The following TMEM132C variants were observed in gnomAD, a reference collection of about 807,000 sequenced individuals.
TMEM132C encodes protein phosphatase 1, regulatory subunit 152.
A neutral mutation model predicts 61.4 loss-of-function variants in TMEM132C; 29 were observed. That is an observed-to-expected ratio of 0.47 (90% CI 0.35 to 0.64). The LOEUF (loss-of-function observed/expected upper bound fraction) is 0.64, where lower values mean the gene tolerates loss of function less well. Ranked by LOEUF, TMEM132C falls within the 30% of genes least tolerant of loss-of-function variation. The pLI, the probability that TMEM132C is intolerant of heterozygous loss-of-function variation, is 0.00. For missense variants in TMEM132C, 1,408 were observed against 1,476.9 expected, an observed-to-expected ratio of 0.95 and a Z score of 0.76; for synonymous variants, 656 against 633.1, an observed-to-expected ratio of 1.04 and a Z score of -0.54.
intron 2 of TMEM132C, among the ~76,000 whole-genome samples, chr12:128,540,505 G>A (rs996267997): frequency 3.3e-5 from 5 of 152,132 alleles, no homozygotes; most frequent in Admixed American, 1.3e-4. Flanking sequence ...GCCTACCTCG[G>A]CCTCCCAAAG....
At chr12:128,585,277 C>T (rs1476264006) in intron 3 of TMEM132C, among the ~76,000 whole-genome samples, 1 of 152,178 alleles carries the variant, frequency 6.6e-6, no homozygotes. Flanking sequence ...ATGTTAAATG[C>T]CCAAAGGCTA....
intron 1 of TMEM132C, among the ~76,000 whole-genome samples, chr12:128,292,572 T>C (rs1341014551): frequency 1.3e-5 from 2 of 152,122 alleles, no homozygotes; most frequent in African/African-American, 4.8e-5. Flanking sequence ...GTGTACTTAG[T>C]ACCTAGGTAC....
intron 1 of TMEM132C, among the ~76,000 whole-genome samples, chr12:128,312,116 T>C (rs1411953655): frequency 6.6e-6 from 1 of 152,168 alleles, no homozygotes; most frequent in Non-Finnish European, 1.5e-5. Context: ...CCTCCCTCTC[T>C]CAGTTCTGCT....
chr12:128,458,608 G>T (rs894417507), intron 2 of TMEM132C, among the ~76,000 whole-genome samples: 1 of 152,048 alleles, frequency 6.6e-6, no homozygotes, highest in Non-Finnish European at 1.5e-5. Flanking sequence ...GACAGGAAGG[G>T]CTCATCCCTT....
chr12:128,389,759 T>C (rs535407187), intron 1 of TMEM132C, among the ~76,000 whole-genome samples: 2 of 152,328 alleles, frequency 1.3e-5, no homozygotes, highest in South Asian at 2.1e-4. Flanking sequence ...GTAGGGGGCA[T>C]TGGATGAATC....
intron 1 of TMEM132C, among the ~76,000 whole-genome samples, chr12:128,293,147 C>T (rs1871301277): frequency 6.6e-6 from 1 of 152,078 alleles, no homozygotes; most frequent in African/African-American, 2.4e-5. Context: ...GACAGAGGAT[C>T]CTCTTTAAAA....
intron 1 of TMEM132C, among the ~76,000 whole-genome samples, chr12:128,390,586 G>A (rs1713604): frequency 0.098 from 14,859 of 152,128 alleles, 2,358 homozygotes; most frequent in African/African-American, 0.33. Context: ...ACCTGTAGCC[G>A]CACCTCCGCC....
At chr12:128,358,493 T>TTGTGTG (rs58748919) in intron 1 of TMEM132C, among the ~76,000 whole-genome samples, 6,790 of 144,716 alleles carry the variant, frequency 0.047, 230 homozygotes, top group African/African-American at 0.089. Context: ...ACTTTTAAAA[T>TTGTGTG]TGTGTGTGTG....
intron 1 of TMEM132C, among the ~76,000 whole-genome samples, chr12:128,340,372 A>G (rs991529629): frequency 7.9e-5 from 12 of 152,116 alleles, no homozygotes; most frequent in African/African-American, 2.7e-4. Flanking sequence ...TTAAAGACCT[A>G]TTGTCTTATT....
rs762972210 is a variant in TMEM132C, at chr12:128,705,668, C to A, written c.2700C>A (p.Asp900Glu). Residue 900 changes from aspartate to glutamate, a missense_variant, in exon 9 of 9, where the codon GAC (aspartate) becomes GAA (glutamate). Asp to Glu is a conservative substitution (Grantham distance 45). Coordinates refer to ENST00000435159, the MANE Select transcript of TMEM132C (RefSeq NM_001136103.3). ...TCACCAACTTCCCTGCCCACGTGGA[C>A]CTCCCCAAGGCCGGGAGTGGGCTGG... ...IDFTNFPAHV[D>E]LPKAGSGLEE... 31 of 1,551,186 alleles carry A rather than the reference C, an allele frequency of 2.0e-5. 2 individuals are homozygous for A. In the South Asian group the frequency reaches 3.6e-4, roughly 18 times the overall value.
At position 128,497,202 on chromosome 12, in the gene TMEM132C, C is replaced by T. The variant is rs533043350; in HGVS notation, c.975-46755C>T. Among the ~76,000 whole-genome samples the T allele has an allele frequency of 7.8e-4, 119 of 152,342 alleles. 1 individual carries two copies. Among genetic ancestry groups the T allele is most frequent in the African/African-American group, 2.8e-3 (115 of 41,570 alleles). ...GATCGTTCCTCTGGAAGCTTCGTCT[C>T]AGAGGGGTACCCAGCCCTGTGAGAT... On this transcript the variant is annotated intron_variant, in intron 2 of 8. Coordinates refer to ENST00000435159, the MANE Select transcript of TMEM132C (RefSeq NM_001136103.3).
chr12:128,410,592 G>A (rs1187498227), intron 1 of TMEM132C, among the ~76,000 whole-genome samples: 1 of 151,996 alleles, frequency 6.6e-6, no homozygotes, highest in Non-Finnish European at 1.5e-5. Flanking sequence ...TTTTAGTAGA[G>A]ACGGGGTTTC....
chr12:128,650,087 C>G (rs963081234), intron 4 of TMEM132C, among the ~76,000 whole-genome samples: 9 of 152,264 alleles, frequency 5.9e-5, no homozygotes, highest in Non-Finnish European at 1.3e-4. Context: ...GTTGCATCTC[C>G]CCAGGATTGA....
intron 5 of TMEM132C, among the ~76,000 whole-genome samples, chr12:128,691,483 G>C (rs1337146485): frequency 6.6e-6 from 1 of 152,062 alleles, no homozygotes; most frequent in Non-Finnish European, 1.5e-5. Flanking sequence ...CTATCCATCT[G>C]TCCAGCTATC....
At position 128,491,069 on chromosome 12, in the gene TMEM132C, T is replaced by C. The variant is rs186488454; in HGVS notation, c.975-52888T>C. Among the ~76,000 whole-genome samples the C allele has an allele frequency of 3.6e-3, 552 of 152,300 alleles. 6 individuals carry two copies. The highest frequency in any genetic ancestry group is 0.02 in the Middle Eastern group (6 of 294). ...TGGAGTTGAGATTTCAGCCCAGCAT[T>C]GTCTGGCTCCAAAGACCAAATCCTT... On this transcript the variant is annotated intron_variant, in intron 2 of 8. Transcript: ENST00000435159.
chr12:128,701,922 C>CA (rs1566019470), intron 8 of TMEM132C, among the ~76,000 whole-genome samples: 1 of 136,722 alleles, frequency 7.3e-6, no homozygotes, highest in Non-Finnish European at 1.5e-5. Context: ...TTTTTTGAGA[C>CA]AGAGTCTTGC....
At chr12:128,423,544 G>T (rs1869064477) in intron 2 of TMEM132C, among the ~76,000 whole-genome samples, 1 of 152,158 alleles carries the variant, frequency 6.6e-6, no homozygotes, top group African/African-American at 2.4e-5. Context: ...TTTATAGGTG[G>T]ATTCACTTCT....
At chr12:128,314,102 TG>T (rs1215407923) in intron 1 of TMEM132C, among the ~76,000 whole-genome samples, 1 of 152,192 alleles carries the variant, frequency 6.6e-6, no homozygotes, top group Admixed American at 6.5e-5. Context: ...TAATAGCTCT[TG>T]GCACAAAAGC....
chr12:128,691,980 C>A, intron 5 of TMEM132C, among the ~76,000 whole-genome samples: 1 of 149,026 alleles, frequency 6.7e-6, no homozygotes, highest in African/African-American at 2.6e-5. Context: ...GTCCACCCAT[C>A]CATTCATGTG....
Sources: gnomAD v4.1 joint callset for allele counts (sites outside exome capture counted in the v4.1 genomes callset) on GRCh38, gnomAD v4.1.1 for gene constraint, MANE v1.5 for transcripts, NCBI Gene and HGNC (gene_info 2026-07-23, HGNC 2026-07-21) for gene names.